The following HDAC4 variants were observed in gnomAD, a reference collection of about 807,000 sequenced individuals.
HDAC4 encodes histone deacetylase A.
A neutral mutation model predicts 135.1 loss-of-function variants in HDAC4; 16 were observed. The observed-to-expected ratio is 0.12, with a 90% CI of 0.08 to 0.18. The LOEUF (loss-of-function observed/expected upper bound fraction) is 0.18, where lower values mean the gene tolerates loss of function less well. HDAC4 is among the 10% of genes least tolerant of loss of function. HDAC4 has a pLI of 1.00. For synonymous variants in HDAC4, 685 were observed against 653.4 expected, an observed-to-expected ratio of 1.05 and a Z score of -0.74; for missense variants, 1,143 against 1,511.8, an observed-to-expected ratio of 0.76 and a Z score of 4.05.
At chr2:239,084,303 G>A (rs569081212) in intron 19 of HDAC4, 61 bp from the exon 20 acceptor site, 17 of 1,227,766 alleles carry the variant, frequency 1.4e-5, no homozygotes, top group South Asian at 7.6e-5. Context: ...GTTTCTCCAC[G>A]GCCCGCCAGA....
chr2:239,359,246 C>G (rs1005473590), intron 1 of HDAC4, among the ~76,000 whole-genome samples: 1 of 152,042 alleles, frequency 6.6e-6, no homozygotes, highest in Non-Finnish European at 1.5e-5. Context: ...CTGGCATTCA[C>G]GCTGCGTCGG....
At chr2:239,377,544 G>A (rs950609216) in intron 1 of HDAC4, among the ~76,000 whole-genome samples, 1 of 152,332 alleles carries the variant, frequency 6.6e-6, no homozygotes, top group East Asian at 1.9e-4. Flanking sequence ...AATGGAGGGA[G>A]CACGAGATTC....
intron 3 of HDAC4, among the ~76,000 whole-genome samples, chr2:239,225,742 T>TG (rs2047206295): frequency 3.3e-5 from 1 of 30,154 alleles, no homozygotes; most frequent in African/African-American, 1.5e-4. Flanking sequence ...CGTGGCCACG[T>TG]ACTGCTACCC....
chr2:239,321,619 G>C (rs764945128), intron 2 of HDAC4, among the ~76,000 whole-genome samples: 3 of 152,012 alleles, frequency 2.0e-5, no homozygotes, highest in Non-Finnish European at 4.4e-5. Flanking sequence ...TGGGTCCTTT[G>C]TGGGGTTCTC....
At chr2:239,178,123 G>C (rs927588112) in intron 4 of HDAC4, among the ~76,000 whole-genome samples, 2 of 152,000 alleles carry the variant, frequency 1.3e-5, no homozygotes, top group African/African-American at 4.8e-5. Flanking sequence ...CAGCCCGGGG[G>C]AAGTGCCAGG....
chr2:239,243,403 C>G (rs1456655460), intron 2 of HDAC4, among the ~76,000 whole-genome samples: 1 of 152,182 alleles, frequency 6.6e-6, no homozygotes, highest in Non-Finnish European at 1.5e-5. Flanking sequence ...CCGCCTGCCT[C>G]GGCCTCCCAA....
At chr2:239,311,617 C>A (rs2052883134) in intron 2 of HDAC4, among the ~76,000 whole-genome samples, 1 of 152,116 alleles carries the variant, frequency 6.6e-6, no homozygotes, top group Admixed American at 6.5e-5. Flanking sequence ...ACACTGTGAC[C>A]CATGACAGGA....
At chr2:239,369,102 CCTCT>C (rs1279502554) in intron 1 of HDAC4, among the ~76,000 whole-genome samples, 2 of 152,124 alleles carry the variant, frequency 1.3e-5, no homozygotes, top group Admixed American at 6.5e-5. Context: ...AGGGAGGAAT[CCTCT>C]CTGTTTGACA....
chr2:239,239,861 A>G (rs2048078775), intron 2 of HDAC4, among the ~76,000 whole-genome samples: 1 of 152,242 alleles, frequency 6.6e-6, no homozygotes, highest in South Asian at 2.1e-4. Context: ...ATCAGAAAAC[A>G]GCAGGAGTGT....
At chr2:239,089,965 G>A in intron 18 of HDAC4, 44 bp downstream of exon 18, 1 of 1,402,300 alleles carries the variant, frequency 7.1e-7, no homozygotes, top group Non-Finnish European at 1.0e-6. Flanking sequence ...GGGAATCTAT[G>A]GCAGGCCTCC....
intron 4 of HDAC4, among the ~76,000 whole-genome samples, chr2:239,180,301 T>C (rs1183635280): frequency 6.6e-6 from 1 of 152,098 alleles, no homozygotes; most frequent in Non-Finnish European, 1.5e-5. Context: ...CCAAGCCCTT[T>C]CATGGTCACA....
intron 1 of HDAC4, among the ~76,000 whole-genome samples, chr2:239,372,221 A>T (rs1325581861): frequency 6.6e-6 from 1 of 152,174 alleles, no homozygotes; most frequent in Non-Finnish European, 1.5e-5. Flanking sequence ...TGCCCGAGGC[A>T]GCAGGTGGGG....
rs754263440 is a variant in HDAC4, at chr2:239,331,631, G to C, written c.22+21047C>G. On this transcript the variant is annotated intron_variant, in intron 2 of 26. Transcript: ENST00000543185. The surrounding 1 kb of genome is among the most constrained non-coding windows in gnomAD (Gnocchi z 4.5). The stretch of plus-strand genomic sequence containing the variant: ...AGCGAACTGCAATGACACGTCGCCA[G>C]GGCTGCACTGGACCCACCGTGCGGG... 6.6e-6 allele frequency among the ~76,000 whole-genome samples: 1 copy of C among 152,174 alleles called. No individual in the cohort carries two copies. Among genetic ancestry groups the C allele is most frequent in the Non-Finnish European group, 1.5e-5 (1 of 68,026 alleles).
At chr2:239,382,374 C>A (rs1380079007) in intron 1 of HDAC4, among the ~76,000 whole-genome samples, 1 of 152,230 alleles carries the variant, frequency 6.6e-6, no homozygotes, top group Non-Finnish European at 1.5e-5. Context: ...CCAATTACAG[C>A]AACTGCTTAT....
At chr2:239,359,932 G>C (rs1693750824) in intron 1 of HDAC4, among the ~76,000 whole-genome samples, 1 of 152,182 alleles carries the variant, frequency 6.6e-6, no homozygotes, top group African/African-American at 2.4e-5. Context: ...TGAGCCAAAG[G>C]AAGTGAGAAT....
chr2:239,189,180 C>T (rs766861771), intron 4 of HDAC4, among the ~76,000 whole-genome samples: 30 of 152,226 alleles, frequency 2.0e-4, no homozygotes, highest in South Asian at 1.0e-3. Context: ...TTCTATTAGA[C>T]GGTGTTGCTC....
intron 2 of HDAC4, among the ~76,000 whole-genome samples, chr2:239,288,131 G>T (rs2051241628): frequency 6.7e-6 from 1 of 150,162 alleles, no homozygotes; most frequent in Non-Finnish European, 1.5e-5. Flanking sequence ...CAGAGATGAA[G>T]AATCCTGAAG....
chr2:239,343,874 T>A (rs1692455794), intron 2 of HDAC4, among the ~76,000 whole-genome samples: 2 of 88,974 alleles, frequency 2.2e-5, no homozygotes, highest in Admixed American at 1.7e-4. Flanking sequence ...TCGATAGCAG[T>A]AACACTGGTT....
At chr2:239,090,389 A>G (rs1008477946) in intron 17 of HDAC4, among the ~76,000 whole-genome samples, 1 of 150,124 alleles carries the variant, frequency 6.7e-6, no homozygotes, top group Non-Finnish European at 1.5e-5. Flanking sequence ...TTGCTTCAGT[A>G]TACTTCCATC....
Sources: gnomAD v4.1 joint callset for allele counts (sites outside exome capture counted in the v4.1 genomes callset) on GRCh38, gnomAD v4.1.1 for gene constraint, Gnocchi (gnomAD v3.1) non-coding constraint, MANE v1.5 for transcripts, NCBI Gene and HGNC (gene_info 2026-07-23, HGNC 2026-07-21) for gene names.